Variants in CORO2B observed in about 807,000 individuals in gnomAD.
The protein encoded by CORO2B is coronin-2B.
CORO2B carries 26 observed loss-of-function variants against 58.8 expected under a neutral mutation model. That is an observed-to-expected ratio of 0.44 (90% CI 0.32 to 0.61). The LOEUF (loss-of-function observed/expected upper bound fraction) is 0.61, where lower values mean the gene tolerates loss of function less well. Among genes scored for constraint, CORO2B ranks in the 20% least tolerant of loss-of-function variants. CORO2B has a pLI of 0.04. For missense variants in CORO2B, 460 were observed against 645.1 expected (o/e 0.71, Z 3.11); for synonymous variants, 242 against 253.8 (o/e 0.95, Z 0.44).
chr15:68,706,161 A>T (rs1458721593), intron 3 of CORO2B, among the ~76,000 whole-genome samples: 1 of 152,104 alleles, frequency 6.6e-6, no homozygotes, highest in Non-Finnish European at 1.5e-5. Context: ...AGCCTGCTCC[A>T]CACGAGCCAG....
chr15:68,695,214 C>A lies in CORO2B; in HGVS notation c.291C>A (p.Pro97=). The change falls in exon 3 of 12, where the codon CCC becomes CCA. Residue 97 remains proline, a synonymous_variant. Transcript: ENST00000261861. ...ATGTGCTGGATATCAAATGGAACCCCTTCATCGACAACATCATTGCCTCGT... is the reference window on the plus strand; with the variant it reads ...ATGTGCTGGATATCAAATGGAACCCATTCATCGACAACATCATTGCCTCGT... ...QGNVLDIKWN[P]FIDNIIASCS... 1 of 1,614,146 alleles carries A rather than the reference C, an allele frequency of 6.2e-7. No homozygotes were observed. Among genetic ancestry groups the A allele is most frequent in the Non-Finnish European group, 8.5e-7 (1 of 1,180,038 alleles).
rs745419187 is a variant in CORO2B, at chr15:68,645,219, C to T, written c.75C>T (p.Ala25=). 1 of 1,614,218 alleles carries T rather than the reference C, an allele frequency of 6.2e-7. No homozygotes were observed. Among genetic ancestry groups the T allele is most frequent in the South Asian group, 1.1e-5 (1 of 91,088 alleles). Residue 25 remains alanine, a synonymous_variant, in exon 2 of 12, where the codon GCC becomes GCT. Transcript: ENST00000261861. The surrounding 1 kb of genome is among the most constrained non-coding windows in gnomAD (Gnocchi z 4.5). The part of the protein sequence containing the change: ...SKFRNVYGKV[A]NREHCFDGIP... ...TCCGGAATGTCTACGGGAAGGTGGC[C>T]AACCGGGAGCACTGCTTCGATGGGA...
the CORO2B span, among the ~76,000 whole-genome samples, chr15:68,549,185 G>C: frequency 1.3e-5 from 2 of 152,194 alleles, no homozygotes; most frequent in Non-Finnish European, 2.9e-5. Context: ...AACAACCACT[G>C]TTCATGTATT....
intron 1 of CORO2B, among the ~76,000 whole-genome samples, chr15:68,614,084 C>T (rs569459634): frequency 6.6e-6 from 1 of 152,284 alleles, no homozygotes; most frequent in African/African-American, 2.4e-5. Flanking sequence ...TGTTAAAATG[C>T]GGATTCTTGG....
chr15:68,545,606 GGGGGGC>G, the CORO2B span, among the ~76,000 whole-genome samples: 1 of 104,428 alleles, frequency 9.6e-6, no homozygotes, highest in Non-Finnish European at 2.1e-5. Flanking sequence ...ACAGGAATGC[GGGGGGC>G]GGGGGGGGTA....
chr15:68,723,499 G>T (rs1252377667), intron 11 of CORO2B, among the ~76,000 whole-genome samples: 5 of 151,526 alleles, frequency 3.3e-5, no homozygotes, highest in African/African-American at 4.9e-5. Flanking sequence ...TTGTCTCCCA[G>T]GCTGGAGTGC....
At chr15:68,525,191 G>A in the CORO2B span, among the ~76,000 whole-genome samples, 1 of 152,070 alleles carries the variant, frequency 6.6e-6, no homozygotes, top group African/African-American at 2.4e-5. Flanking sequence ...CAGTTAATGG[G>A]GCTTATTATG....
chr15:68,714,276 C>G (rs1200902520), intron 6 of CORO2B, among the ~76,000 whole-genome samples: 2 of 152,104 alleles, frequency 1.3e-5, no homozygotes, highest in African/African-American at 2.4e-5. Context: ...GGGCTGAGCT[C>G]CAGAGAGATT....
At chr15:68,544,775 CTTTT>C in the CORO2B span, among the ~76,000 whole-genome samples, 1 of 140,800 alleles carries the variant, frequency 7.1e-6, no homozygotes, top group Non-Finnish European at 1.6e-5. Context: ...CATACACATT[CTTTT>C]TTTTTTTTTT....
Position 68,711,595 on chromosome 15 carries a change from C to T in CORO2B, c.537C>T (p.His179=), listed in dbSNP as rs1892919277. Residue 179 remains histidine, a synonymous_variant, in exon 5 of 12, where the codon CAC becomes CAT. Coordinates refer to ENST00000261861, the MANE Select transcript of CORO2B (RefSeq NM_006091.5). ...VGEPVKMIDC[H]TDVILCMSFN... The stretch of plus-strand genomic sequence containing the variant: ...AGCCGGTGAAGATGATTGACTGCCA[C>T]ACGGATGTGATCCTCTGCATGTCCT... 1 of 1,613,948 alleles carries T rather than the reference C, an allele frequency of 6.2e-7. No homozygotes were observed. The highest frequency in any genetic ancestry group is 1.7e-5 in the Admixed American group (1 of 59,962).
chr15:68,664,089 G>A (rs1205496942), intron 2 of CORO2B, among the ~76,000 whole-genome samples: 2 of 152,190 alleles, frequency 1.3e-5, no homozygotes, highest in East Asian at 3.8e-4. Context: ...AGCCACTTTG[G>A]AAAACTGGAT....
intron 1 of CORO2B, among the ~76,000 whole-genome samples, chr15:68,596,369 G>A (rs1438303138): frequency 2.6e-5 from 4 of 150,976 alleles, no homozygotes; most frequent in African/African-American, 9.7e-5. Context: ...GGTAGGGGGT[G>A]GGGGTTGTGA....
intron 2 of CORO2B, among the ~76,000 whole-genome samples, chr15:68,648,344 A>T (rs926037121): frequency 2.0e-5 from 3 of 150,172 alleles, no homozygotes; most frequent in African/African-American, 4.9e-5. Context: ...AAAAAAAAAA[A>T]AACGAAAGAA....
chr15:68,718,174 T>C (rs898746495), intron 8 of CORO2B, among the ~76,000 whole-genome samples: 9 of 152,322 alleles, frequency 5.9e-5, no homozygotes, highest in Non-Finnish European at 2.9e-5. Flanking sequence ...GGGCACACAT[T>C]GTTGGTTCTA....
chr15:68,657,925 A>C (rs532112425), intron 2 of CORO2B, among the ~76,000 whole-genome samples: 1 of 152,248 alleles, frequency 6.6e-6, no homozygotes, highest in East Asian at 1.9e-4. Flanking sequence ...ATATTATTGT[A>C]TAAAATCAGG....
rs1892884716 is a variant in CORO2B at position 68,710,370 on chromosome 15, G to A, written c.334-362G>A. Among the ~76,000 whole-genome samples the A allele has an allele frequency of 6.6e-6, 1 of 152,260 alleles. No individual in the cohort carries two copies. The highest frequency in any genetic ancestry group is 1.5e-5 in the Non-Finnish European group (1 of 68,050). On this transcript the variant is annotated intron_variant, in intron 3 of 11. Transcript: ENST00000261861. This position sits in a 1 kb window ranked among gnomAD's most constrained non-coding sequence, Gnocchi z 4.1. The stretch of plus-strand genomic sequence containing the variant: ...AGCAGGAAGGCAGAGTCTCCTAGAA[G>A]GATGTGGCATGTGAAGCAAGGATAG...
chr15:68,534,969 T>C, the CORO2B span, among the ~76,000 whole-genome samples: 1 of 152,102 alleles, frequency 6.6e-6, no homozygotes, highest in Non-Finnish European at 1.5e-5. Flanking sequence ...GAGAACAGTA[T>C]GGGGGAAACT....
At chr15:68,565,716 T>C in the CORO2B span, among the ~76,000 whole-genome samples, 1 of 152,212 alleles carries the variant, frequency 6.6e-6, no homozygotes, top group Non-Finnish European at 1.5e-5. Flanking sequence ...GGAGAGGTAT[T>C]TGTCTATAGC....
chr15:68,718,637 G>C (rs1893087395), intron 8 of CORO2B, 61 bp from the exon 9 acceptor site: 3 of 1,366,728 alleles, frequency 2.2e-6, no homozygotes, highest in Admixed American at 3.5e-5. Context: ...AACATCATGG[G>C]GTGATGTCAC....
Sources: gnomAD v4.1 joint callset for allele counts (sites outside exome capture counted in the v4.1 genomes callset) on GRCh38, gnomAD v4.1.1 for gene constraint, Gnocchi (gnomAD v3.1) non-coding constraint, MANE v1.5 for transcripts, NCBI Gene and HGNC (gene_info 2026-07-23, HGNC 2026-07-21) for gene names.